The following WWC1 variants were observed in gnomAD, a reference collection of about 807,000 sequenced individuals.
The protein encoded by WWC1 is protein KIBRA.
WWC1 carries 55 observed loss-of-function variants against 138.4 expected under a neutral mutation model. The ratio of observed to expected loss-of-function variants is 0.40; its 90% CI spans 0.32 to 0.50. The LOEUF (loss-of-function observed/expected upper bound fraction) is 0.50, where lower values mean the gene tolerates loss of function less well. Ranked by LOEUF, WWC1 falls within the 20% of genes least tolerant of loss-of-function variation. WWC1 has a pLI of 0.72. For missense variants in WWC1, 1,226 were observed against 1,420.4 expected, an observed-to-expected ratio of 0.86 and a Z score of 2.20; for synonymous variants, 524 against 564.9, an observed-to-expected ratio of 0.93 and a Z score of 1.03.
intron 9 of WWC1, among the ~76,000 whole-genome samples, chr5:168,421,161 G>A (rs368583487): frequency 7.9e-5 from 12 of 152,214 alleles, no homozygotes; most frequent in Admixed American, 5.2e-4. Flanking sequence ...CATCTGTGAC[G>A]CCTCCCCTTT....
rs186048270 is a variant in WWC1 at position 168,389,937 on chromosome 5, C to T, written c.433+4523C>T. ...GTCATAAGTGTCATAGGGGATAAAA[C>T]TGCCCAAACCACTGGTCTAGGTAAG... is the stretch of plus-strand genomic sequence containing the variant. On this transcript the variant is annotated intron_variant, in intron 3 of 22. Transcript: ENST00000265293. 1.8e-3 allele frequency among the ~76,000 whole-genome samples: 277 copies of T among 152,316 alleles called. No homozygotes were observed. In the Middle Eastern group the frequency reaches 0.02, roughly 11 times the overall value.
chr5:168,397,971 T>G (rs993886551), intron 4 of WWC1, among the ~76,000 whole-genome samples, 171 bp downstream of exon 4: 3 of 152,206 alleles, frequency 2.0e-5, no homozygotes, highest in African/African-American at 7.2e-5. Context: ...TAGTAATGGT[T>G]GTAGCAGCTA....
At chr5:168,419,044 GACCCACCCCTCAAC>G (rs1156437817) in intron 9 of WWC1, among the ~76,000 whole-genome samples, 1 of 152,138 alleles carries the variant, frequency 6.6e-6, no homozygotes, top group Non-Finnish European at 1.5e-5. Flanking sequence ...TAACAAGCCC[GACCCACCCCTCAAC>G]ACTTTTCCGT....
intron 4 of WWC1, among the ~76,000 whole-genome samples, 180 bp downstream of exon 4, chr5:168,397,980 T>A (rs1467973328): frequency 1.3e-5 from 2 of 152,168 alleles, no homozygotes; most frequent in Non-Finnish European, 2.9e-5. Context: ...TTGTAGCAGC[T>A]ACCATTTCAC....
chr5:168,386,733 C>T (rs1778079441), intron 3 of WWC1, among the ~76,000 whole-genome samples: 1 of 151,750 alleles, frequency 6.6e-6, no homozygotes, highest in Admixed American at 6.6e-5. Flanking sequence ...ACAATCTTGG[C>T]TCACTGTAAC....
Position 168,464,811 on chromosome 5 carries a change from C to T in WWC1, c.2999C>T (p.Thr1000Ile). Residue 1000 changes from threonine to isoleucine, a missense_variant, in exon 21 of 23, where the codon ACC (threonine) becomes ATC (isoleucine). Transcript: ENST00000265293. ...DLELDLQATR[T>I]WHSQLTQEIS... ...GAGTTAGACCTGCAGGCGACAAGAA[C>T]CTGGCACAGCCAATTGACCCAGGAG... 1 of 1,614,212 alleles carries T rather than the reference C, an allele frequency of 6.2e-7. No individual in the cohort carries two copies.
At chr5:168,377,200 A>G (rs546055857) in intron 2 of WWC1, among the ~76,000 whole-genome samples, 1 of 152,210 alleles carries the variant, frequency 6.6e-6, no homozygotes, top group Admixed American at 6.5e-5. Context: ...TGTTCAATAA[A>G]TGGTGTTGGG....
At chr5:168,323,402 G>A (rs1466903054) in intron 1 of WWC1, among the ~76,000 whole-genome samples, 1 of 151,956 alleles carries the variant, frequency 6.6e-6, no homozygotes, top group East Asian at 1.9e-4. Context: ...AAAGAAATTA[G>A]CCAGGCGTGG....
intron 1 of WWC1, among the ~76,000 whole-genome samples, chr5:168,315,326 T>C (rs1771486525): frequency 6.6e-6 from 1 of 152,070 alleles, no homozygotes; most frequent in Non-Finnish European, 1.5e-5. Context: ...GTGGGGCTTC[T>C]GGGAACTGCA....
intron 8 of WWC1, chr5:168,411,555 T>A (rs559908099): frequency 3.3e-5 from 5 of 152,304 alleles, no homozygotes; most frequent in African/African-American, 1.2e-4. Context: ...GGGACTCAGA[T>A]GATGTTACCC....
chr5:168,424,147 A>G (rs1781337627), intron 11 of WWC1, 79 bp downstream of exon 11: 1 of 1,483,816 alleles, frequency 6.7e-7, no homozygotes, highest in Non-Finnish European at 9.0e-7. Flanking sequence ...CCCAGTGATC[A>G]TTCTAGTCGA....
chr5:168,429,985 G>A, intron 13 of WWC1, 152 bp from the exon 14 acceptor site: 1 of 618,222 alleles, frequency 1.6e-6, no homozygotes, highest in East Asian at 2.8e-5. Context: ...CTACATCCCT[G>A]CATGGCAGCA....
At chr5:168,446,667 C>T (rs78444274) in intron 17 of WWC1, among the ~76,000 whole-genome samples, 118 of 152,276 alleles carry the variant, frequency 7.7e-4, no homozygotes, top group Non-Finnish European at 1.4e-3. Flanking sequence ...TTGGGCAAGT[C>T]GCTCTAACCT....
chr5:168,418,281 G>A (rs1175559250), intron 9 of WWC1, among the ~76,000 whole-genome samples: 1 of 152,100 alleles, frequency 6.6e-6, no homozygotes, highest in Non-Finnish European at 1.5e-5. Flanking sequence ...CCTCCTTCCC[G>A]AGGGCCTTCC....
At chr5:168,300,909 G>A (rs72838333) in intron 1 of WWC1, among the ~76,000 whole-genome samples, 19,173 of 152,214 alleles carry the variant, frequency 0.13, 1,668 homozygotes, top group Non-Finnish European at 0.17. Context: ...CCCTGGGACA[G>A]CCTTCCAGTC....
At chr5:168,380,043 A>G (rs1384711341) in intron 2 of WWC1, among the ~76,000 whole-genome samples, 1 of 152,240 alleles carries the variant, frequency 6.6e-6, no homozygotes, top group East Asian at 1.9e-4. Flanking sequence ...TCCTCAAAAG[A>G]CATTATTAAG....
chr5:168,403,078 C>CT (rs753687432), intron 5 of WWC1, among the ~76,000 whole-genome samples: 1 of 70,846 alleles, frequency 1.4e-5, no homozygotes, highest in African/African-American at 5.6e-5. Flanking sequence ...TTCTTTCTTT[C>CT]TTTTCTTTCT....
intron 21 of WWC1, among the ~76,000 whole-genome samples, chr5:168,467,195 T>C (rs1337840466): frequency 1.3e-5 from 2 of 152,180 alleles, no homozygotes; most frequent in African/African-American, 4.8e-5. Context: ...GAGGCGGAGC[T>C]TGCAGTGAGC....
intron 5 of WWC1, among the ~76,000 whole-genome samples, chr5:168,404,593 A>G (rs1779641329): frequency 6.6e-6 from 1 of 152,204 alleles, no homozygotes; most frequent in Admixed American, 6.5e-5. Flanking sequence ...AGGATTCCCC[A>G]TGAGGGTTAT....
Sources: gnomAD v4.1 joint callset for allele counts (sites outside exome capture counted in the v4.1 genomes callset) on GRCh38, gnomAD v4.1.1 for gene constraint, MANE v1.5 for transcripts, NCBI Gene and HGNC (gene_info 2026-07-23, HGNC 2026-07-21) for gene names.